FRMD4B: variants seen among roughly 807,000 people sequenced by gnomAD.
FRMD4B encodes FERM domain containing 4B.
FRMD4B carries 74 observed loss-of-function variants against 141.5 expected under a neutral mutation model. That is an observed-to-expected ratio of 0.52 (90% confidence interval 0.43 to 0.63). FRMD4B has a LOEUF of 0.63. Among genes scored for constraint, FRMD4B ranks in the 30% least tolerant of loss-of-function variants. The pLI is 0.00. For missense variants in FRMD4B, 1,366 were observed against 1,253.4 expected (o/e 1.09, Z -1.36); for synonymous variants, 506 against 467.9 (o/e 1.08, Z -1.05).
In FRMD4B at chr3:69,169,864, A is replaced by G. The variant is rs547628510; in HGVS notation, c.*1997T>C. ...GGATGTCAGAGAACTAATTTCTTGA[A>G]TTTAGAAGACCTGTTTGCCAGTCTG... On this transcript the variant is annotated 3_prime_UTR_variant, in exon 23 of 23. Transcript: ENST00000398540. 4 of 152,318 alleles carry G rather than the reference A, an allele frequency of 2.6e-5. No individual in the cohort carries two copies. The East Asian group carries it at 7.7e-4, about 29-fold the overall frequency. 9.4% of individuals were successfully genotyped at this position (152,318 alleles called of 1,614,324 possible).
rs1183287859 is a variant in FRMD4B at position 69,314,325 on chromosome 3, T to TGAGACCAGCCTGGACAAC, written c.163-826_163-809dup. ...GGCAGATCACTTGAGGCCAGGAGTTTGAGACCAGCCTGGACAACATAGTGA... is the reference window on the plus strand; with the variant it reads ...GGCAGATCACTTGAGGCCAGGAGTTTGAGACCAGCCTGGACAACGAGACCAGCCTGGACAACATAGTGA... On this transcript the variant is annotated intron_variant, in intron 1 of 22. Transcript: ENST00000398540. Among the ~76,000 whole-genome samples, 3 of 149,650 alleles carry TGAGACCAGCCTGGACAAC rather than the reference T, an allele frequency of 2.0e-5. No homozygotes were observed. In the South Asian group the frequency reaches 6.4e-4, roughly 32 times the overall value.
chr3:69,260,445 TC>T (rs1441005875), intron 5 of FRMD4B, among the ~76,000 whole-genome samples: 1 of 152,080 alleles, frequency 6.6e-6, no homozygotes, highest in East Asian at 1.9e-4. Flanking sequence ...GTGCACCGGG[TC>T]CCCCAGCACT....
At chr3:69,184,194 G>C (rs1179513811) in intron 19 of FRMD4B, among the ~76,000 whole-genome samples, 1 of 152,196 alleles carries the variant, frequency 6.6e-6, no homozygotes. Context: ...TTACAGGCGT[G>C]AGCCGCTGCC....
At chr3:69,236,389 C>T (rs1451274857) in intron 7 of FRMD4B, among the ~76,000 whole-genome samples, 2 of 151,962 alleles carry the variant, frequency 1.3e-5, no homozygotes, top group Non-Finnish European at 2.9e-5. Flanking sequence ...CCACGATGCC[C>T]GGGTAATTTT....
chr3:69,272,092 T>A (rs1180069888), intron 5 of FRMD4B, among the ~76,000 whole-genome samples: 1 of 152,204 alleles, frequency 6.6e-6, no homozygotes, highest in Non-Finnish European at 1.5e-5. Context: ...TTGATCAATA[T>A]CAGTCTTCTG....
At chr3:69,504,301 T>A (rs1366094348) in intron 1 of FRMD4B, among the ~76,000 whole-genome samples, 1 of 152,200 alleles carries the variant, frequency 6.6e-6, no homozygotes, top group Non-Finnish European at 1.5e-5. Flanking sequence ...GATGAATACT[T>A]TTTTTAACAG....
intron 11 of FRMD4B, among the ~76,000 whole-genome samples, chr3:69,215,803 A>C (rs1251488883): frequency 1.3e-5 from 2 of 152,220 alleles, no homozygotes; most frequent in Non-Finnish European, 2.9e-5. Context: ...ATATGCATAA[A>C]TGTACATATA....
At chr3:69,180,325 G>C (rs1048028686) in intron 21 of FRMD4B, among the ~76,000 whole-genome samples, 2 of 150,066 alleles carry the variant, frequency 1.3e-5, no homozygotes, top group African/African-American at 4.9e-5. Context: ...GGATTCTTAC[G>C]AGCCTTATGC....
intron 1 of FRMD4B, among the ~76,000 whole-genome samples, chr3:69,482,290 C>G (rs9835774): frequency 0.025 from 3,764 of 152,150 alleles, 173 homozygotes; most frequent in African/African-American, 0.085. Context: ...GGCATTGTTG[C>G]TGAGAGCTTC....
At chr3:69,421,821 G>A (rs565701929) in intron 2 of FRMD4B, among the ~76,000 whole-genome samples, 1 of 152,178 alleles carries the variant, frequency 6.6e-6, no homozygotes, top group African/African-American at 2.4e-5. Flanking sequence ...CCTAAGTGAT[G>A]TCTAAGATAA....
chr3:69,175,871 C>G (rs566941179), intron 22 of FRMD4B, among the ~76,000 whole-genome samples: 47 of 143,968 alleles, frequency 3.3e-4, no homozygotes, highest in Non-Finnish European at 6.3e-4. Context: ...AGCTCTGCCT[C>G]TGGGGTTCAC....
intron 11 of FRMD4B, among the ~76,000 whole-genome samples, chr3:69,209,213 C>G (rs1387274876): frequency 1.3e-5 from 2 of 151,958 alleles, no homozygotes; most frequent in Non-Finnish European, 2.9e-5. Context: ...GACAATACCA[C>G]CCAGCTGCCC....
chr3:69,441,048 A>G (rs1443369724), intron 1 of FRMD4B, among the ~76,000 whole-genome samples: 1 of 152,108 alleles, frequency 6.6e-6, no homozygotes, highest in Non-Finnish European at 1.5e-5. Flanking sequence ...AGTGGTTTTG[A>G]GCTCTGGAGT....
intron 7 of FRMD4B, among the ~76,000 whole-genome samples, chr3:69,231,373 C>T (rs919156482): frequency 2.6e-5 from 4 of 152,182 alleles, no homozygotes; most frequent in South Asian, 2.1e-4. Context: ...CTGCAACCTC[C>T]GCCTCCTGGG....
intron 7 of FRMD4B, among the ~76,000 whole-genome samples, chr3:69,238,874 T>C (rs59046627): frequency 7.1e-4 from 108 of 152,300 alleles, no homozygotes; most frequent in Middle Eastern, 3.4e-3. Flanking sequence ...TACCACTCTC[T>C]GCCCAGGCTG....
At chr3:69,512,409 A>G (rs957759857) in intron 1 of FRMD4B, among the ~76,000 whole-genome samples, 1 of 152,262 alleles carries the variant, frequency 6.6e-6, no homozygotes, top group African/African-American at 2.4e-5. Flanking sequence ...CATATAGTAC[A>G]GGCTAAGCTA....
chr3:69,465,556 A>G (rs1488104380), intron 1 of FRMD4B, among the ~76,000 whole-genome samples: 1 of 146,114 alleles, frequency 6.8e-6, no homozygotes, highest in Non-Finnish European at 1.5e-5. Flanking sequence ...CCAGCCCCCG[A>G]CAGGCCCCGG....
At chr3:69,212,381 G>GAAAAAAAAAAAAAAAAAAGA (rs61444871) in intron 11 of FRMD4B, among the ~76,000 whole-genome samples, 1 of 95,598 alleles carries the variant, frequency 1.0e-5, no homozygotes, top group Non-Finnish European at 1.9e-5. Flanking sequence ...AAAAAAAAAA[G>GAAAAAAAAAAAAAAAAAAGA]AAAAAAAAAA....
chr3:69,376,478 G>C (rs1703973742), intron 1 of FRMD4B, among the ~76,000 whole-genome samples: 1 of 151,758 alleles, frequency 6.6e-6, no homozygotes, highest in East Asian at 1.9e-4. Flanking sequence ...CTCAAGTCAA[G>C]ACAGCAAGGT....
Sources: allele counts gnomAD v4.1 joint callset (sites outside exome capture counted in the v4.1 genomes callset), GRCh38; gene constraint gnomAD v4.1.1; transcripts MANE v1.5; gene names NCBI Gene and HGNC (gene_info 2026-07-23, HGNC 2026-07-21).